Variants in KCNN1 observed in about 807,000 individuals in gnomAD.
KCNN1 encodes the protein potassium calcium-activated channel subfamily N member 1.
Under a neutral mutation model 44.7 loss-of-function variants are expected in KCNN1, and 20 were observed. The observed-to-expected ratio is 0.45, with a 90% CI of 0.32 to 0.65. The LOEUF is 0.65. KCNN1 is among the 30% of genes least tolerant of loss of function. The probability of loss-of-function intolerance (pLI) is 0.05; values close to 1 mark genes in which losing one functional copy is unlikely to be tolerated. For synonymous variants in KCNN1, 324 were observed against 341.7 expected (o/e 0.95, Z 0.57); for missense variants, 632 against 785.3 (o/e 0.80, Z 2.33).
rs1437377773 is a variant in KCNN1 at position 17,979,497 on chromosome 19, G to A, written c.499-2212G>A. Among the ~76,000 whole-genome samples the A allele has an allele frequency of 1.0e-4, 12 of 117,744 alleles. No homozygotes were observed. The East Asian group carries it at 3.3e-3, about 32-fold the overall frequency. 77.2% of individuals were successfully genotyped at this position (117,744 alleles called of 152,430 possible). A position where few individuals can be genotyped will look rare whatever the true frequency, so the allele number is the denominator to read the frequency against. ...CCAGTAAGCAGTAAGCTATGATCCC[G>A]CCAGAGCAGGACCCGGTCTCAAAAA... On this transcript the variant is annotated intron_variant, in intron 3 of 9. Transcript: ENST00000684775.
At chr19:17,989,931 C>A in intron 7 of KCNN1, 88 bp downstream of exon 7, 1 of 1,595,202 alleles carries the variant, frequency 6.3e-7, no homozygotes, top group South Asian at 1.1e-5. Context: ...CTTCACGGCT[C>A]CCTGCCAGGG....
At chr19:17,985,235 C>A (rs913814560) in intron 4 of KCNN1, 77 bp from the exon 5 acceptor site, 13 of 1,416,166 alleles carry the variant, frequency 9.2e-6, no homozygotes, top group African/African-American at 8.6e-5. Context: ...AGCCCTGGCG[C>A]TGCCCCAGGG....
intron 4 of KCNN1, 51 bp from the exon 5 acceptor site, chr19:17,985,259 CAA>C: frequency 1.3e-6 from 2 of 1,484,084 alleles, no homozygotes; most frequent in Non-Finnish European, 1.8e-6. Context: ...GTGATGGAGG[CAA>C]AGGGGATGGT....
intron 2 of KCNN1, among the ~76,000 whole-genome samples, chr19:17,956,011 C>T (rs1231331964): frequency 6.6e-6 from 1 of 152,156 alleles, no homozygotes; most frequent in East Asian, 1.9e-4. Flanking sequence ...CTCACTGCAA[C>T]CTCCACCCTC....
intron 1 of KCNN1, among the ~76,000 whole-genome samples, chr19:17,954,046 G>C (rs192230966): frequency 6.6e-6 from 1 of 152,228 alleles, no homozygotes; most frequent in East Asian, 1.9e-4. Context: ...CTGGAGCCCA[G>C]TGAAAGGAGG....
At chr19:17,992,878 C>T (rs2032844038) in intron 7 of KCNN1, among the ~76,000 whole-genome samples, 176 bp from the exon 8 acceptor site, 1 of 152,340 alleles carries the variant, frequency 6.6e-6, no homozygotes, top group African/African-American at 2.4e-5. Context: ...GCACAGAACC[C>T]TCAGAGGCTG....
intron 7 of KCNN1, among the ~76,000 whole-genome samples, chr19:17,991,193 C>A (rs1306050780): frequency 6.6e-6 from 1 of 151,614 alleles, no homozygotes; most frequent in Non-Finnish European, 1.5e-5. Context: ...ACTCACACCT[C>A]GTAATCCCAG....
At chr19:17,988,654 G>A (rs1014370115) in intron 6 of KCNN1, 129 bp downstream of exon 6, 36 of 737,870 alleles carry the variant, frequency 4.9e-5, no homozygotes, top group Non-Finnish European at 7.1e-5. Context: ...CCCGTGTCAA[G>A]ACTGTGCTGG....
At chr19:17,984,345 G>C in intron 4 of KCNN1, among the ~76,000 whole-genome samples, 1 of 152,130 alleles carries the variant, frequency 6.6e-6, no homozygotes, top group East Asian at 1.9e-4. Flanking sequence ...TCCTTGGGCT[G>C]TGTCACCCAC....
chr19:17,961,707 CT>C (rs1356413507), intron 2 of KCNN1, among the ~76,000 whole-genome samples: 2 of 151,910 alleles, frequency 1.3e-5, no homozygotes, highest in Non-Finnish European at 2.9e-5. Flanking sequence ...TCAGCACCCC[CT>C]AGTAGCTGAG....
At chr19:17,976,680 G>A (rs1179213829) in intron 3 of KCNN1, among the ~76,000 whole-genome samples, 2 of 151,072 alleles carry the variant, frequency 1.3e-5, no homozygotes, top group African/African-American at 2.4e-5. Context: ...GGCCTCCCAA[G>A]GTGCTGGGAT....
At chr19:17,989,922 T>C (rs2032728469) in intron 7 of KCNN1, 79 bp downstream of exon 7, 3 of 1,604,440 alleles carry the variant, frequency 1.9e-6, no homozygotes, top group Non-Finnish European at 2.6e-6. Flanking sequence ...GTGTGGCCTC[T>C]TCACGGCTCC....
chr19:17,993,101 C>A lies in KCNN1; in HGVS notation c.1307+39C>A. On this transcript the variant is annotated intron_variant, in intron 8 of 9. Coordinates refer to ENST00000684775, the MANE Select transcript of KCNN1 (RefSeq NM_001386974.1). This position sits in a 1 kb window ranked among gnomAD's most constrained non-coding sequence, Gnocchi z 4.5. ...CAGGGGCTTGGTGGGGCTGGGAAAT[C>A]GGGGGTGCATGGTGGTCACAGACAG... 6.2e-7 allele frequency: 1 copy of A among 1,612,962 alleles called. No individual in the cohort carries two copies. Among genetic ancestry groups the A allele is most frequent in the Non-Finnish European group, 8.5e-7 (1 of 1,179,354 alleles).
intron 2 of KCNN1, among the ~76,000 whole-genome samples, chr19:17,961,031 T>C (rs930372103): frequency 3.3e-5 from 5 of 151,234 alleles, no homozygotes; most frequent in Admixed American, 6.6e-5. Flanking sequence ...ATTAAAAATA[T>C]AAAAATTAGC....
chr19:17,978,807 T>C (rs1214859603), intron 3 of KCNN1, among the ~76,000 whole-genome samples: 1 of 149,586 alleles, frequency 6.7e-6, no homozygotes, highest in Non-Finnish European at 1.5e-5. Flanking sequence ...GTAATCCCAA[T>C]ACTTTGGAAG....
chr19:17,958,480 C>CTTTTTTTT, intron 2 of KCNN1, among the ~76,000 whole-genome samples: 2 of 99,560 alleles, frequency 2.0e-5, no homozygotes, highest in Non-Finnish European at 3.9e-5. Context: ...GACCCTGTCT[C>CTTTTTTTT]TTTTTTTTTT....
At chr19:17,959,867 G>C (rs1339154577) in intron 2 of KCNN1, among the ~76,000 whole-genome samples, 1 of 151,556 alleles carries the variant, frequency 6.6e-6, no homozygotes, top group Admixed American at 6.6e-5. Context: ...GGCGGATCAC[G>C]AGGTCGGGAG....
intron 3 of KCNN1, among the ~76,000 whole-genome samples, chr19:17,975,483 C>T (rs1353069273): frequency 2.0e-5 from 3 of 152,140 alleles, no homozygotes; most frequent in Non-Finnish European, 2.9e-5. Flanking sequence ...TGCAGTGGTG[C>T]GATATTGGCT....
intron 9 of KCNN1, among the ~76,000 whole-genome samples, chr19:17,994,824 G>A (rs1362939092): frequency 1.3e-5 from 2 of 152,320 alleles, no homozygotes; most frequent in African/African-American, 2.4e-5. Flanking sequence ...GATTACAGGC[G>A]TGGGCCACCG....
Sources: allele counts gnomAD v4.1 joint callset (sites outside exome capture counted in the v4.1 genomes callset), GRCh38; gene constraint gnomAD v4.1.1; non-coding constraint Gnocchi (gnomAD v3.1); transcripts MANE v1.5; gene names NCBI Gene and HGNC (gene_info 2026-07-23, HGNC 2026-07-21).